USP24: variants seen among roughly 807,000 people sequenced by gnomAD.
USP24 encodes ubiquitin carboxyl-terminal hydrolase 24.
A neutral mutation model predicts 361.6 loss-of-function variants in USP24; 97 were observed. The ratio of observed to expected loss-of-function variants is 0.27; its 90% CI spans 0.23 to 0.32. The LOEUF (loss-of-function observed/expected upper bound fraction) is 0.32. Ranked by LOEUF, USP24 falls within the 10% of genes least tolerant of loss-of-function variation. The pLI, the probability that USP24 is intolerant of heterozygous loss-of-function variation, is 1.00. For missense variants in USP24, 2,353 were observed against 3,165.6 expected (o/e 0.74, Z 6.16); for synonymous variants, 1,098 against 1,124.6 (o/e 0.98, Z 0.47).
Position 55,151,830 on chromosome 1 carries a change from A to G in USP24, c.1860+2040T>C, listed in dbSNP as rs371825831. On this transcript the variant is annotated intron_variant, in intron 16 of 67. Transcript: ENST00000294383. ...ACTTGGGAATTTTAAGAGTATCAAA[A>G]GCAGAGGGAAGGGTAATCAGTTGGG... 9 of 922,862 alleles carry G rather than the reference A, an allele frequency of 9.8e-6. No individual in the cohort carries two copies. In the African/African-American group the frequency reaches 1.6e-4, roughly 16 times the overall value. 57.2% of individuals were successfully genotyped at this position (922,862 alleles called of 1,614,324 possible). A position where few individuals can be genotyped will look rare whatever the true frequency, so the allele number is the denominator to read the frequency against.
intron 1 of USP24, among the ~76,000 whole-genome samples, chr1:55,213,033 A>C (rs1644886559): frequency 6.6e-6 from 1 of 152,242 alleles, no homozygotes; most frequent in Admixed American, 6.5e-5. Context: ...TTCCAATCAC[A>C]GGAAATTAAA....
intron 64 of USP24, chr1:55,073,140 T>A (rs567038904): frequency 2.3e-6 from 1 of 444,420 alleles, no homozygotes; most frequent in Admixed American, 3.9e-5. Context: ...ATGGTGGTGA[T>A]GGTTGCACAT....
In USP24 at chr1:55,089,637, C is replaced by T. The variant is rs1645331257; in HGVS notation, c.6658G>A (p.Glu2220Lys). 1.3e-6 allele frequency: 2 copies of T among 1,582,342 alleles called. No homozygotes were observed. Among genetic ancestry groups the T allele is most frequent in the Non-Finnish European group, 1.7e-6 (2 of 1,163,270 alleles). The change falls in exon 55 of 68, where the codon GAA becomes AAA. Residue 2220 changes from glutamate (E) to lysine (K), a missense_variant. Coordinates refer to ENST00000294383, the MANE Select transcript of USP24 (RefSeq NM_015306.3). The part of the protein sequence containing the change: ...VEYFISSEGR[E>K]LIKIFLLECN... ...GACTCCAACACTTACTTTATCAATT[C>T]TCGTCCTTCAGAACTAATAAAATAT...
At chr1:55,192,567 T>A (rs961612058) in intron 1 of USP24, among the ~76,000 whole-genome samples, 2 of 152,204 alleles carry the variant, frequency 1.3e-5, no homozygotes, top group Non-Finnish European at 1.5e-5. Context: ...GAAACATATA[T>A]GTGAAGAGCT....
intron 7 of USP24, among the ~76,000 whole-genome samples, chr1:55,164,645 C>A (rs951442139): frequency 2.6e-5 from 4 of 151,996 alleles, no homozygotes; most frequent in African/African-American, 9.7e-5. Context: ...GCAGACAACA[C>A]AATTGTTCTG....
chr1:55,086,158 C>T (rs1645246584), intron 55 of USP24, 120 bp from the exon 56 acceptor site: 5 of 879,020 alleles, frequency 5.7e-6, no homozygotes, highest in Admixed American at 2.2e-5. Context: ...ACAGTGTTAG[C>T]GCTTATGGGC....
At chr1:55,074,679 T>TAAATAAAA (rs1290733552) in intron 63 of USP24, among the ~76,000 whole-genome samples, 64 of 125,172 alleles carry the variant, frequency 5.1e-4, no homozygotes, top group Admixed American at 2.9e-3. Context: ...AATAAATAAA[T>TAAATAAAA]AAAAATAAAA....
chr1:55,162,096 T>C, intron 8 of USP24, 103 bp downstream of exon 8: 1 of 1,006,674 alleles, frequency 9.9e-7, no homozygotes, highest in Non-Finnish European at 1.4e-6. Context: ...AAAAAAGGAG[T>C]TACTCTGGAT....
chr1:55,172,226 G>T, intron 4 of USP24, 151 bp downstream of exon 4: 1 of 779,948 alleles, frequency 1.3e-6, no homozygotes, highest in Non-Finnish European at 1.8e-6. Context: ...CAAGATGGTT[G>T]CTCTGCTTTT....
intron 1 of USP24, among the ~76,000 whole-genome samples, chr1:55,181,542 A>T (rs1030020797): frequency 6.6e-6 from 1 of 152,240 alleles, no homozygotes; most frequent in Non-Finnish European, 1.5e-5. Context: ...GAAATGCTTA[A>T]ATTTATTACC....
Position 55,146,004 on chromosome 1 carries a change from T to G in USP24, c.2356A>C (p.Met786Leu). ...ILKLESYEIT[M>L]NGFNLFKTFF... The stretch of plus-strand genomic sequence containing the variant: ...ATTTTAAGTTTTTTCCTACCATTCA[T>G]AGTGATTTCATATGACTCCAATTTA... Residue 786 changes from methionine (M) to leucine (L), a missense_variant, in exon 20 of 68, where the codon ATG becomes CTG. This residue lies in a region of USP24 where 949 missense variants were observed against 1,280.5 expected (regional missense o/e 0.74). Transcript: ENST00000294383. 6.2e-7 allele frequency: 1 copy of G among 1,607,392 alleles called. No homozygotes were observed. Among genetic ancestry groups the G allele is most frequent in the South Asian group, 1.1e-5 (1 of 90,822 alleles).
intron 1 of USP24, among the ~76,000 whole-genome samples, chr1:55,205,748 T>A (rs1341782649): frequency 3.3e-5 from 5 of 152,208 alleles, no homozygotes; most frequent in Admixed American, 6.5e-5. Context: ...TAATAAAGTT[T>A]ATATACTTTT....
chr1:55,202,988 C>A (rs181316659), intron 1 of USP24, among the ~76,000 whole-genome samples: 35 of 152,320 alleles, frequency 2.3e-4, no homozygotes, highest in Non-Finnish European at 4.0e-4. Flanking sequence ...AGATCACATT[C>A]ATAAACTTTT....
chr1:55,098,210 T>C (rs1473082280), intron 46 of USP24, 126 bp from the exon 47 acceptor site: 6 of 1,217,872 alleles, frequency 4.9e-6, no homozygotes, highest in Non-Finnish European at 6.6e-6. Flanking sequence ...ATTTTAAAAG[T>C]CCATTACTAA....
intron 51 of USP24, among the ~76,000 whole-genome samples, chr1:55,094,462 T>G (rs1430437957): frequency 1.3e-5 from 2 of 152,110 alleles, no homozygotes; most frequent in Non-Finnish European, 2.9e-5. Context: ...TAAACTTATC[T>G]TAGAGCCACA....
intron 56 of USP24, among the ~76,000 whole-genome samples, chr1:55,085,134 C>A: frequency 6.6e-6 from 1 of 152,202 alleles, no homozygotes; most frequent in East Asian, 1.9e-4. Context: ...AAAACCACTG[C>A]CTTACAGTAA....
At position 55,148,566 on chromosome 1, in the gene USP24, G is replaced by A. The variant is rs775641493; in HGVS notation, c.1865C>T (p.Ser622Phe). 1.5e-5 allele frequency: 23 copies of A among 1,569,464 alleles called. No individual in the cohort carries two copies. The highest frequency in any genetic ancestry group is 8.6e-7 in the Non-Finnish European group (1 of 1,156,334). Residue 622 changes from serine to phenylalanine, a missense_variant, in exon 17 of 68, where the codon TCT becomes TTT. Around this residue, in one of 8 missense-constraint regions of USP24, gnomAD observed 386 missense variants for 560.5 expected, o/e 0.69. Transcript: ENST00000294383. ...EKNKKDGFKSSQLNNPQFVWV... is the reference protein window; with the variant it reads ...EKNKKDGFKSFQLNNPQFVWV... ...TACAAACTGGGGATTATTAAGCTGA[G>A]ATGACTAGAGTTAAAAAGAAGTTAC... is the stretch of plus-strand genomic sequence containing the variant.
rs1476560802 is a variant in USP24, at chr1:55,134,317, T to C, written c.3287+11A>G. 4.3e-6 allele frequency: 7 copies of C among 1,609,972 alleles called. No individual in the cohort carries two copies. The highest frequency in any genetic ancestry group is 4.2e-6 in the Non-Finnish European group (5 of 1,177,638). On this transcript the variant is annotated intron_variant, in intron 29 of 67. Transcript: ENST00000294383. ...TTCTCTCTGCCAAGCCTCACAAATATTTATATTTACCTTGGCTCTTCCAGA... is the reference window on the plus strand; with the variant it reads ...TTCTCTCTGCCAAGCCTCACAAATACTTATATTTACCTTGGCTCTTCCAGA...
In USP24 at chr1:55,107,276, G is replaced by C; in HGVS notation, c.4725C>G (p.Thr1575=). ...TTTCTGCCCCACAGAGTGAAAGAAG[G>C]GTCTTGATGAGGCGTAAGTGCCCTG... The part of the protein sequence containing the change: ...LLAGHLRLIK[T]LLSLCGAEKE... Residue 1575 remains threonine (T), a synonymous_variant, in exon 40 of 68, where the codon ACC becomes ACG. Coordinates refer to ENST00000294383, the MANE Select transcript of USP24 (RefSeq NM_015306.3). 6.2e-7 allele frequency: 1 copy of C among 1,613,046 alleles called. No individual in the cohort carries two copies. Among genetic ancestry groups the C allele is most frequent in the Non-Finnish European group, 8.5e-7 (1 of 1,179,614 alleles).
Sources: gnomAD v4.1 joint callset for allele counts (sites outside exome capture counted in the v4.1 genomes callset) on GRCh38, gnomAD v4.1.1 for gene constraint, gnomAD v4.1.1 regional missense constraint, MANE v1.5 for transcripts, NCBI Gene and HGNC (gene_info 2026-07-23, HGNC 2026-07-21) for gene names.